CGNL1: variants seen among roughly 807,000 people sequenced by gnomAD.
CGNL1 encodes cingulin like 1, also known as cingulin-like protein 1.
In CGNL1, 132 loss-of-function variants were observed where a neutral mutation model predicts 141.2. The observed-to-expected ratio is 0.93, with a 90% CI of 0.81 to 1.08. CGNL1 has a LOEUF of 1.08. CGNL1 is among the 50% of genes least tolerant of loss of function. The pLI, the probability that CGNL1 is intolerant of heterozygous loss-of-function variation, is 0.00. For synonymous variants in CGNL1, 690 were observed against 622.1 expected, an observed-to-expected ratio of 1.11 and a Z score of -1.63; for missense variants, 1,870 against 1,588.6, an observed-to-expected ratio of 1.18 and a Z score of -3.01.
intron 1 of CGNL1, among the ~76,000 whole-genome samples, chr15:57,410,064 G>C (rs2062769501): frequency 6.6e-6 from 1 of 152,328 alleles, no homozygotes; most frequent in South Asian, 2.1e-4. Flanking sequence ...GACCAGTGAG[G>C]ACTCACCACT....
chr15:57,494,895 T>C (rs2063915532), intron 8 of CGNL1, among the ~76,000 whole-genome samples: 1 of 152,214 alleles, frequency 6.6e-6, no homozygotes, highest in Admixed American at 6.5e-5. Context: ...TAATTCTAAC[T>C]GTAAAGCCAG....
chr15:57,404,480 G>A (rs185242756), intron 1 of CGNL1, among the ~76,000 whole-genome samples: 144 of 152,316 alleles, frequency 9.5e-4, no homozygotes, highest in African/African-American at 3.3e-3. Flanking sequence ...ACATGTTGAA[G>A]GTGCTTATTG....
intron 14 of CGNL1, among the ~76,000 whole-genome samples, chr15:57,535,090 A>G (rs552753676): frequency 6.6e-6 from 1 of 152,206 alleles, no homozygotes; most frequent in African/African-American, 2.4e-5. Context: ...TCCCCACTTC[A>G]CTGTAATGGA....
chr15:57,506,739 C>T (rs146122033), intron 8 of CGNL1, among the ~76,000 whole-genome samples: 1 of 152,176 alleles, frequency 6.6e-6, no homozygotes, highest in Non-Finnish European at 1.5e-5. Flanking sequence ...GTCTACCCAA[C>T]CTTAATGTAT....
rs372973310 is a variant in CGNL1 at position 57,439,393 on chromosome 15, A to G, written c.1394A>G (p.Asn465Ser). Reference sequence around the variant, plus strand: ...GCCCACTCCAGGCCTCCCCAGCCGAACATAGATGGGAAAGTTCTGGAAACC... The same window carrying G: ...GCCCACTCCAGGCCTCCCCAGCCGAGCATAGATGGGAAAGTTCTGGAAACC... ...SCAHSRPPQP[N>S]IDGKVLETEG... The change falls in exon 2 of 19, where the codon AAC (asparagine) becomes AGC (serine). Residue 465 changes from asparagine (N) to serine (S), a missense_variant. Asn to Ser is a conservative substitution (Grantham distance 46). Coordinates refer to ENST00000281282, the MANE Select transcript of CGNL1 (RefSeq NM_032866.5). The G allele has an allele frequency of 1.2e-6, 2 of 1,614,086 alleles. No homozygotes were observed. Among genetic ancestry groups the G allele is most frequent in the African/African-American group, 2.7e-5 (2 of 74,946 alleles).
intron 4 of CGNL1, among the ~76,000 whole-genome samples, chr15:57,447,353 G>A (rs2063267015): frequency 6.6e-6 from 1 of 152,114 alleles, no homozygotes; most frequent in African/African-American, 2.4e-5. Context: ...CTTTTCGTGG[G>A]CATTGTTTGA....
Position 57,439,317 on chromosome 15 carries a change from G to T in CGNL1, c.1318G>T (p.Val440Leu), listed in dbSNP as rs141686050. Residue 440 changes from valine (V) to leucine (L), a missense_variant, in exon 2 of 19, where the codon GTG becomes TTG. Physicochemically the swap from Val to Leu is conservative, Grantham distance 32. Transcript: ENST00000281282. ...LSQERRGKQS[V>L]GRTFAKLQGA... ...TCAGGAGCGCCGTGGGAAACAGAGC[G>T]TGGGCCGCACCTTTGCAAAGCTGCA... is the stretch of plus-strand genomic sequence containing the variant. 273 of 1,614,096 alleles carry T rather than the reference G, an allele frequency of 1.7e-4. 1 individual carries two copies. The African/African-American group carries it at 3.2e-3, about 19-fold the overall frequency.
intron 8 of CGNL1, among the ~76,000 whole-genome samples, chr15:57,516,258 G>T (rs928879434): frequency 3.9e-5 from 6 of 152,020 alleles, no homozygotes; most frequent in African/African-American, 1.4e-4. Flanking sequence ...ATGAGGACAG[G>T]TTCTGGATTC....
chr15:57,398,690 A>G (rs1257092460), intron 1 of CGNL1, among the ~76,000 whole-genome samples: 1 of 152,192 alleles, frequency 6.6e-6, no homozygotes, highest in Non-Finnish European at 1.5e-5. Context: ...GTGTAAATTG[A>G]GTTTACTCAA....
At chr15:57,497,115 C>G (rs113585581) in intron 8 of CGNL1, among the ~76,000 whole-genome samples, 1,661 of 152,282 alleles carry the variant, frequency 0.011, 35 homozygotes, top group African/African-American at 0.037. Context: ...TGGCTGGGGA[C>G]TGATATCCCA....
intron 8 of CGNL1, among the ~76,000 whole-genome samples, chr15:57,475,520 TGTGTGTGTGTGTGTGTTTTC>T (rs2063643215): frequency 6.6e-6 from 1 of 151,556 alleles, no homozygotes; most frequent in Non-Finnish European, 1.5e-5. Flanking sequence ...TGTGTGTGTG[TGTGTGTGTGTGTGTGTTTTC>T]TTTTCTTCTC....
intron 8 of CGNL1, among the ~76,000 whole-genome samples, chr15:57,492,686 T>G (rs2063883045): frequency 9.1e-6 from 1 of 109,514 alleles, no homozygotes; most frequent in Non-Finnish European, 1.9e-5. Flanking sequence ...TCATGACTTT[T>G]GTTGTCCATA....
At chr15:57,447,046 A>G (rs866000432) in intron 4 of CGNL1, among the ~76,000 whole-genome samples, 1 of 152,122 alleles carries the variant, frequency 6.6e-6, no homozygotes, top group Non-Finnish European at 1.5e-5. Context: ...AGCTTCCACC[A>G]AGAAAAGCCT....
chr15:57,532,122 G>A (rs1051313980), intron 14 of CGNL1, among the ~76,000 whole-genome samples: 3 of 152,132 alleles, frequency 2.0e-5, no homozygotes, highest in Admixed American at 1.3e-4. Context: ...TATACAGTTC[G>A]TCTAGCACCA....
chr15:57,423,086 A>T (rs1172933696), intron 1 of CGNL1, among the ~76,000 whole-genome samples: 1 of 152,146 alleles, frequency 6.6e-6, no homozygotes, highest in African/African-American at 2.4e-5. Flanking sequence ...TTCTCTTATC[A>T]ATGTTTTTGC....
rs778945034 is a variant in CGNL1 at position 57,550,303 on chromosome 15, G to C, written c.*2813G>C. 3.3e-5 allele frequency: 5 copies of C among 152,712 alleles called. No individual in the cohort carries two copies. The highest frequency in any genetic ancestry group is 7.3e-5 in the Non-Finnish European group (5 of 68,042). The allele number at this position is 152,712 out of a possible 1,614,324, so 9.5% of individuals were successfully genotyped here. ...CACTCTCAGAGCCATGGATTACCTGGAACAAAGTGCAGATTAGTGCCCACG... is the reference window on the plus strand; with the variant it reads ...CACTCTCAGAGCCATGGATTACCTGCAACAAAGTGCAGATTAGTGCCCACG... On this transcript the variant is annotated 3_prime_UTR_variant, in exon 19 of 19. Coordinates refer to ENST00000281282, the MANE Select transcript of CGNL1 (RefSeq NM_032866.5).
In CGNL1 at chr15:57,435,643, T is replaced by C. The variant is rs375730787; in HGVS notation, c.-15-2342T>C. Among the ~76,000 whole-genome samples the C allele has an allele frequency of 2.6e-5, 4 of 152,132 alleles. No homozygotes were observed. The South Asian group carries it at 6.2e-4, about 24-fold the overall frequency. On this transcript the variant is annotated intron_variant, in intron 1 of 18. Coordinates refer to ENST00000281282, the MANE Select transcript of CGNL1 (RefSeq NM_032866.5). ...TTCCTATCTTTAAAGTGGTAAATGA[T>C]AGTAGCTAAAATGTTTGAGATTTAA... is the stretch of plus-strand genomic sequence containing the variant.
rs116484391 is a variant in CGNL1 at position 57,515,476 on chromosome 15, A to T, written c.2404-1304A>T. 7.8e-3 allele frequency among the ~76,000 whole-genome samples: 1,192 copies of T among 152,306 alleles called. 14 individuals are homozygous for T. The highest frequency in any genetic ancestry group is 0.027 in the African/African-American group (1,125 of 41,548). ...ACATGGTCGGTGATACAGCCTTTAA[A>T]AGCCTAACCTTGTCCTCCCTGGGCC... On this transcript the variant is annotated intron_variant, in intron 8 of 18. Transcript: ENST00000281282.
chr15:57,506,546 G>C (rs2064105654), intron 8 of CGNL1, among the ~76,000 whole-genome samples: 1 of 152,216 alleles, frequency 6.6e-6, no homozygotes, highest in Non-Finnish European at 1.5e-5. Flanking sequence ...GTCTTGGTGA[G>C]TGTGTGGATG....
Sources: gnomAD v4.1 joint callset for allele counts (sites outside exome capture counted in the v4.1 genomes callset) on GRCh38, gnomAD v4.1.1 for gene constraint, MANE v1.5 for transcripts, NCBI Gene and HGNC (gene_info 2026-07-23, HGNC 2026-07-21) for gene names.